The following MACROD2 variants were observed in gnomAD, a reference collection of about 807,000 sequenced individuals.
MACROD2 encodes mono-ADP ribosylhydrolase 2, also known as ADP-ribose glycohydrolase MACROD2.
In MACROD2, 36 loss-of-function variants were observed where a neutral mutation model predicts 70.4. That is an observed-to-expected ratio of 0.51 (90% CI 0.39 to 0.68). MACROD2 has a LOEUF of 0.68. Ranked by LOEUF, MACROD2 falls within the 30% of genes least tolerant of loss-of-function variation. The pLI is 0.00. For missense variants in MACROD2, 496 were observed against 538.4 expected, an observed-to-expected ratio of 0.92 and a Z score of 0.78; for synonymous variants, 172 against 178.8, an observed-to-expected ratio of 0.96 and a Z score of 0.30.
chr20:14,940,148 CAAAAAAA>C lies in MACROD2; in HGVS notation c.418+255211_418+255217del, dbSNP rs57697517. On this transcript the variant is annotated intron_variant, in intron 5 of 17. Transcript: ENST00000684519. The stretch of plus-strand genomic sequence containing the variant: ...CAACATATGGAAACCCTCATCTCTG[CAAAAAAA>C]AAAAAAAAAAAAAAAAAAAAATTAA... 2.9e-3 allele frequency among the ~76,000 whole-genome samples: 161 copies of C among 55,100 alleles called. 1 individual carries two copies. The highest frequency in any genetic ancestry group is 4.9e-3 in the African/African-American group (103 of 21,104). The allele number at this position is 55,100 out of a possible 152,430, so 36.1% of individuals were successfully genotyped here.
At chr20:14,291,360 G>C (rs118035944) in intron 3 of MACROD2, among the ~76,000 whole-genome samples, 2 of 152,196 alleles carry the variant, frequency 1.3e-5, no homozygotes, top group Non-Finnish European at 2.9e-5. Context: ...TTTTGAGCTT[G>C]AGATTTGGAC....
intron 8 of MACROD2, among the ~76,000 whole-genome samples, chr20:15,537,394 C>T (rs999889194): frequency 1.3e-5 from 2 of 151,684 alleles, no homozygotes; most frequent in Non-Finnish European, 2.9e-5. Flanking sequence ...AAGCTCCTTT[C>T]CACTCATCAT....
intron 5 of MACROD2, among the ~76,000 whole-genome samples, chr20:14,751,077 T>A (rs891875063): frequency 3.3e-5 from 5 of 152,250 alleles, no homozygotes; most frequent in African/African-American, 1.2e-4. Context: ...TCAACCAAAC[T>A]TTAACTGAAC....
chr20:15,074,055 A>G (rs2123113870), intron 5 of MACROD2, among the ~76,000 whole-genome samples: 1 of 152,310 alleles, frequency 6.6e-6, no homozygotes, highest in African/African-American at 2.4e-5. Context: ...AACGTATTCC[A>G]GTGATTGAAG....
chr20:15,397,768 T>C (rs2045878746), intron 6 of MACROD2, among the ~76,000 whole-genome samples: 1 of 152,206 alleles, frequency 6.6e-6, no homozygotes, highest in Non-Finnish European at 1.5e-5. Flanking sequence ...GCGTACATCA[T>C]GTTGGGAATT....
intron 4 of MACROD2, among the ~76,000 whole-genome samples, chr20:14,549,868 T>G (rs1267624301): frequency 1.1e-4 from 16 of 152,264 alleles, no homozygotes; most frequent in Middle Eastern, 3.4e-3. Flanking sequence ...ACTGACACAT[T>G]GATAACCATT....
chr20:14,544,701 G>C (rs548662129), intron 4 of MACROD2, among the ~76,000 whole-genome samples: 27 of 152,182 alleles, frequency 1.8e-4, no homozygotes, highest in Non-Finnish European at 3.7e-4. Flanking sequence ...TGAAAAAGTA[G>C]GGCAGAGAAG....
chr20:14,627,783 C>T (rs540838303), intron 4 of MACROD2, among the ~76,000 whole-genome samples: 2 of 152,284 alleles, frequency 1.3e-5, no homozygotes, highest in East Asian at 3.9e-4. Context: ...AAGAGTGCTT[C>T]TCATATATGA....
At chr20:15,181,486 G>A (rs376681729) in intron 5 of MACROD2, among the ~76,000 whole-genome samples, 1 of 152,206 alleles carries the variant, frequency 6.6e-6, no homozygotes, top group Admixed American at 6.5e-5. Flanking sequence ...GCCAACAGCA[G>A]TGTGTTGGGG....
At chr20:14,526,680 G>T (rs1213333692) in intron 4 of MACROD2, among the ~76,000 whole-genome samples, 2 of 152,142 alleles carry the variant, frequency 1.3e-5, no homozygotes, top group African/African-American at 2.4e-5. Flanking sequence ...AGGTTCCCTT[G>T]TCCCCCTCAC....
chr20:15,365,042 A>G (rs750398312), intron 6 of MACROD2, among the ~76,000 whole-genome samples: 1 of 152,252 alleles, frequency 6.6e-6, no homozygotes, highest in Non-Finnish European at 1.5e-5. Context: ...TTTGTTGGAA[A>G]GAATCACATT....
intron 4 of MACROD2, among the ~76,000 whole-genome samples, chr20:14,682,682 T>G (rs988164914): frequency 6.6e-6 from 1 of 152,128 alleles, no homozygotes; most frequent in Non-Finnish European, 1.5e-5. Context: ...TTTTATTTAT[T>G]TAACCAGCTC....
At chr20:15,058,026 G>A (rs1292327879) in intron 5 of MACROD2, among the ~76,000 whole-genome samples, 1 of 152,152 alleles carries the variant, frequency 6.6e-6, no homozygotes, top group African/African-American at 2.4e-5. Context: ...CAAGTCATGT[G>A]TGTCAGAATT....
At chr20:15,140,194 A>T (rs540326939) in intron 5 of MACROD2, among the ~76,000 whole-genome samples, 1 of 152,150 alleles carries the variant, frequency 6.6e-6, no homozygotes, top group Non-Finnish European at 1.5e-5. Context: ...GTCCAGGGTT[A>T]TGACTTGTCC....
At chr20:14,791,660 T>C (rs2123802748) in intron 5 of MACROD2, among the ~76,000 whole-genome samples, 1 of 152,110 alleles carries the variant, frequency 6.6e-6, no homozygotes, top group Non-Finnish European at 1.5e-5. Context: ...ATTTCCATGA[T>C]CCCCTCAAGT....
chr20:15,443,062 A>G (rs2146378212), intron 7 of MACROD2, among the ~76,000 whole-genome samples: 1 of 152,284 alleles, frequency 6.6e-6, no homozygotes, highest in Middle Eastern at 3.4e-3. Context: ...TAAAATCAAT[A>G]CATTGAGAAT....
intron 7 of MACROD2, among the ~76,000 whole-genome samples, chr20:15,463,981 A>G (rs1186181680): frequency 1.3e-5 from 2 of 152,130 alleles, no homozygotes; most frequent in Admixed American, 6.6e-5. Flanking sequence ...CATTCGATGA[A>G]GGATCTTTGC....
intron 5 of MACROD2, among the ~76,000 whole-genome samples, chr20:14,914,314 A>G (rs969518262): frequency 1.4e-4 from 22 of 152,174 alleles, no homozygotes; most frequent in Non-Finnish European, 2.9e-4. Context: ...CTCACAGTCT[A>G]TGTCAATGAG....
At chr20:15,234,198 A>ATTTTT (rs1321755427) in intron 6 of MACROD2, among the ~76,000 whole-genome samples, 1 of 136,914 alleles carries the variant, frequency 7.3e-6, no homozygotes, top group African/African-American at 2.8e-5. Flanking sequence ...CGCCCGGCTA[A>ATTTTT]TTTTTTTGTA....
Sources: allele counts gnomAD v4.1 joint callset (sites outside exome capture counted in the v4.1 genomes callset), GRCh38; gene constraint gnomAD v4.1.1; transcripts MANE v1.5; gene names NCBI Gene and HGNC (gene_info 2026-07-23, HGNC 2026-07-21).